The following DNAJC3 variants were observed in gnomAD, a reference collection of about 807,000 sequenced individuals.
DNAJC3 encodes the protein dnaJ homolog subfamily C member 3.
DNAJC3 carries 38 observed loss-of-function variants against 68.6 expected under a neutral mutation model. That is an observed-to-expected ratio of 0.55 (90% CI 0.43 to 0.73). The LOEUF (loss-of-function observed/expected upper bound fraction) is 0.73. Ranked by LOEUF, DNAJC3 falls within the 30% of genes least tolerant of loss-of-function variation. DNAJC3 has a pLI of 0.00. For synonymous variants in DNAJC3, 203 were observed against 204.0 expected (o/e 1.00, Z 0.04); for missense variants, 526 against 591.9 (o/e 0.89, Z 1.16).
intron 7 of DNAJC3, among the ~76,000 whole-genome samples, chr13:95,763,071 C>T (rs1423813480): frequency 1.3e-5 from 2 of 152,158 alleles, no homozygotes; most frequent in African/African-American, 4.8e-5. Context: ...GAGTATATAA[C>T]AGGATTAGTA....
At chr13:95,688,965 T>TGTGTGTGCGC (rs1491401957) in intron 1 of DNAJC3, among the ~76,000 whole-genome samples, 2 of 130,908 alleles carry the variant, frequency 1.5e-5, no homozygotes, top group African/African-American at 5.2e-5. Context: ...TGTGTGTGTG[T>TGTGTGTGCGC]GCGCGCTGTT....
chr13:95,770,629 C>G (rs993041414), intron 9 of DNAJC3, among the ~76,000 whole-genome samples: 1 of 152,112 alleles, frequency 6.6e-6, no homozygotes, highest in African/African-American at 2.4e-5. Context: ...AACATACTAT[C>G]TCTCTTCATT....
At chr13:95,761,572 C>T (rs980207989) in intron 7 of DNAJC3, among the ~76,000 whole-genome samples, 5 of 152,258 alleles carry the variant, frequency 3.3e-5, no homozygotes, top group South Asian at 2.1e-4. Flanking sequence ...AGGATATTGA[C>T]GTGGGTGCAG....
intron 9 of DNAJC3, among the ~76,000 whole-genome samples, chr13:95,785,330 A>G (rs1883566927): frequency 6.6e-6 from 1 of 152,050 alleles, no homozygotes; most frequent in Admixed American, 6.6e-5. Context: ...TGATATTAAC[A>G]TATTTACCCA....
Position 95,787,100 on chromosome 13 carries a change from A to G in DNAJC3, c.1302A>G (p.Lys434=). ...TCCAGAATGAAGAAGAAAAGAAAAA[A>G]GCTGAGAAAAAGTTCATTGATATAG... The part of the protein sequence containing the change: ...DNFQNEEEKK[K]AEKKFIDIAA... The change falls in exon 11 of 12, where the codon AAA becomes AAG. Residue 434 remains lysine (K), a synonymous_variant. Transcript: ENST00000602402. The G allele has an allele frequency of 1.2e-6, 2 of 1,614,074 alleles. No homozygotes were observed. The highest frequency in any genetic ancestry group is 1.6e-4 in the Middle Eastern group (1 of 6,062).
chr13:95,745,853 A>G (rs1882288692), intron 4 of DNAJC3: 1 of 152,206 alleles, frequency 6.6e-6, no homozygotes, highest in South Asian at 2.1e-4. Flanking sequence ...AAGCTTTGGA[A>G]CAAGAGGTAG....
intron 1 of DNAJC3, among the ~76,000 whole-genome samples, chr13:95,707,879 G>A (rs114949991): frequency 6.6e-4 from 100 of 152,272 alleles, no homozygotes; most frequent in African/African-American, 2.1e-3. Context: ...GAAGATTGCT[G>A]TGTGGCTGGT....
intron 1 of DNAJC3, among the ~76,000 whole-genome samples, chr13:95,708,543 T>C (rs1156934876): frequency 1.3e-5 from 2 of 152,186 alleles, no homozygotes; most frequent in Admixed American, 6.5e-5. Context: ...TCCTGGAAGC[T>C]ATTTTCCTAG....
rs746267911 is a variant in DNAJC3, at chr13:95,757,808, A to G, written c.546+12A>G. On this transcript the variant is annotated intron_variant, in intron 5 of 11. Coordinates refer to ENST00000602402, the MANE Select transcript of DNAJC3 (RefSeq NM_006260.5). ...ATAAGATTTTAGAGGTAAGTTTCTT[A>G]GATACTGCAGTTGACCAGCCTGACA... 1 of 1,530,660 alleles carries G rather than the reference A, an allele frequency of 6.5e-7. No homozygotes were observed. The highest frequency in any genetic ancestry group is 1.2e-5 in the South Asian group (1 of 80,984). 94.8% of individuals were successfully genotyped at this position (1,530,660 alleles called of 1,614,324 possible).
At position 95,725,244 on chromosome 13, in the gene DNAJC3, A is replaced by G. The variant is rs749107316; in HGVS notation, c.385A>G (p.Lys129Glu). The change falls in exon 4 of 12, where the codon AAA becomes GAA. Residue 129 changes from lysine to glutamate, a missense_variant. Coordinates refer to ENST00000602402, the MANE Select transcript of DNAJC3 (RefSeq NM_006260.5). ...GKLDEAEDDF[K>E]KVLKSNPSEN... ...ACTTGATGAAGCAGAAGATGATTTT[A>G]AAAAAGTGGTAAGTTCAATATGTAT... 24 of 1,593,814 alleles carry G rather than the reference A, an allele frequency of 1.5e-5. No homozygotes were observed. The highest frequency in any genetic ancestry group is 2.0e-5 in the Non-Finnish European group (23 of 1,172,706).
Position 95,791,318 on chromosome 13 carries a change from G to A in DNAJC3, c.*288G>A, listed in dbSNP as rs890658746. The A allele has an allele frequency of 1.0e-4, 36 of 361,638 alleles. No individual in the cohort carries two copies. Among genetic ancestry groups the A allele is most frequent in the South Asian group, 5.3e-4 (21 of 39,346 alleles). The allele number at this position is 361,638 out of a possible 1,614,324, so 22.4% of individuals were successfully genotyped here. A position where few individuals can be genotyped will look rare whatever the true frequency, so the allele number is the denominator to read the frequency against. ...CAGGCTCACCCGTGGAAGTGCTCAC[G>A]TATTCTGTATTATTTTTCTACACTG... On this transcript the variant is annotated 3_prime_UTR_variant, in exon 12 of 12. Transcript: ENST00000602402.
chr13:95,705,505 CCTCT>C (rs542563894), intron 1 of DNAJC3, among the ~76,000 whole-genome samples: 1,511 of 150,584 alleles, frequency 0.01, 29 homozygotes, highest in African/African-American at 0.035. Flanking sequence ...TACATTTCTC[CCTCT>C]CTCTCTCTCT....
chr13:95,684,239 A>G (rs1281441966), intron 1 of DNAJC3, among the ~76,000 whole-genome samples: 1 of 152,194 alleles, frequency 6.6e-6, no homozygotes, highest in Non-Finnish European at 1.5e-5. Context: ...ATGACCGCAG[A>G]TGAGGAACTT....
intron 11 of DNAJC3, 150 bp from the exon 12 acceptor site, chr13:95,790,723 G>A (rs1204866780): frequency 1.5e-5 from 13 of 893,716 alleles, no homozygotes; most frequent in Non-Finnish European, 2.2e-5. Flanking sequence ...GAATGGGAGA[G>A]CCTGGATTTG....
intron 5 of DNAJC3, among the ~76,000 whole-genome samples, chr13:95,758,076 CT>C (rs1882718912): frequency 6.6e-6 from 1 of 152,060 alleles, no homozygotes; most frequent in African/African-American, 2.4e-5. Flanking sequence ...GGGAAGAAAA[CT>C]CTAGCGGTTA....
chr13:95,686,989 A>G (rs1467748383), intron 1 of DNAJC3, among the ~76,000 whole-genome samples: 2 of 152,214 alleles, frequency 1.3e-5, no homozygotes, highest in Non-Finnish European at 2.9e-5. Context: ...TTTTAATGAT[A>G]GTCTCCAAAT....
At chr13:95,722,761 A>G (rs1443279496) in intron 2 of DNAJC3, among the ~76,000 whole-genome samples, 4 of 130,760 alleles carry the variant, frequency 3.1e-5, no homozygotes, top group Non-Finnish European at 4.7e-5. Flanking sequence ...TCAAGGCTGC[A>G]GAGGGCCATG....
intron 9 of DNAJC3, among the ~76,000 whole-genome samples, chr13:95,785,583 C>T (rs575729337): frequency 2.2e-4 from 33 of 150,392 alleles, no homozygotes; most frequent in African/African-American, 7.6e-4. Context: ...CTCAGCCTCC[C>T]GAGTAGCTGG....
chr13:95,733,177 C>CT (rs907593154), intron 4 of DNAJC3, among the ~76,000 whole-genome samples: 1 of 152,026 alleles, frequency 6.6e-6, no homozygotes, highest in Non-Finnish European at 1.5e-5. Flanking sequence ...TTATAGCCAA[C>CT]TTTTTTTGTT....
Sources: gnomAD v4.1 joint callset for allele counts (sites outside exome capture counted in the v4.1 genomes callset) on GRCh38, gnomAD v4.1.1 for gene constraint, MANE v1.5 for transcripts, NCBI Gene and HGNC (gene_info 2026-07-23, HGNC 2026-07-21) for gene names.